PRDM6: variants seen among roughly 807,000 people sequenced by gnomAD.
The protein encoded by PRDM6 is PR/SET domain 6.
A neutral mutation model predicts 60.8 loss-of-function variants in PRDM6; 25 were observed. The ratio of observed to expected loss-of-function variants is 0.41; its 90% confidence interval spans 0.30 to 0.57. The LOEUF (loss-of-function observed/expected upper bound fraction) is 0.57, where lower values mean the gene tolerates loss of function less well. Among genes scored for constraint, PRDM6 ranks in the 20% least tolerant of loss-of-function variants. The pLI is 0.27. For synonymous variants in PRDM6, 407 were observed against 357.4 expected, an observed-to-expected ratio of 1.14 and a Z score of -1.57; for missense variants, 839 against 821.3, an observed-to-expected ratio of 1.02 and a Z score of -0.26.
chr5:123,193,460 A>T lies in PRDM6; in HGVS notation c.*6259A>T, dbSNP rs1243188087. 1 of 152,206 alleles carries T rather than the reference A, an allele frequency of 6.6e-6. No homozygotes were observed. Among genetic ancestry groups the T allele is most frequent in the East Asian group, 1.9e-4 (1 of 5,200 alleles). The allele number at this position is 152,206 out of a possible 1,614,324, so 9.4% of individuals were successfully genotyped here. On this transcript the variant is annotated 3_prime_UTR_variant, in exon 8 of 8. Coordinates refer to ENST00000407847, the MANE Select transcript of PRDM6 (RefSeq NM_001136239.4). ...TGTGGGCATTGTCTAATGTTAACAA[A>T]ATCAGCACTTGTAGACTTACTTTCT...
At chr5:123,095,795 G>C (rs530055952) in intron 2 of PRDM6, among the ~76,000 whole-genome samples, 1 of 152,276 alleles carries the variant, frequency 6.6e-6, no homozygotes, top group Non-Finnish European at 1.5e-5. Flanking sequence ...CACTCCCCAC[G>C]CGCCTACACA....
chr5:123,174,504 C>T (rs1042073873), intron 6 of PRDM6, among the ~76,000 whole-genome samples: 2 of 152,206 alleles, frequency 1.3e-5, no homozygotes, highest in African/African-American at 2.4e-5. Flanking sequence ...GAGTTTCAAA[C>T]AAGTCCAAAT....
At chr5:123,160,415 G>A (rs149615726) in intron 5 of PRDM6, among the ~76,000 whole-genome samples, 19 of 152,338 alleles carry the variant, frequency 1.2e-4, no homozygotes, top group African/African-American at 4.6e-4. Flanking sequence ...ACTGGTTTCA[G>A]TGATATTGTG....
intron 3 of PRDM6, among the ~76,000 whole-genome samples, chr5:123,121,821 A>G (rs1352969435): frequency 6.6e-6 from 1 of 151,502 alleles, no homozygotes; most frequent in African/African-American, 2.4e-5. Context: ...CATCTCTTTT[A>G]ATATGTAACA....
At chr5:123,155,266 T>C (rs1765467249) in intron 3 of PRDM6, among the ~76,000 whole-genome samples, 1 of 145,802 alleles carries the variant, frequency 6.9e-6, no homozygotes. Flanking sequence ...GTCTCTCTTT[T>C]TTTTTTTTTT....
At chr5:123,124,940 A>G (rs990428905) in intron 3 of PRDM6, among the ~76,000 whole-genome samples, 1 of 152,132 alleles carries the variant, frequency 6.6e-6, no homozygotes, top group Non-Finnish European at 1.5e-5. Context: ...AAGGTCCATG[A>G]TATTGCATCC....
chr5:123,161,525 C>A (rs1765630849), intron 5 of PRDM6, among the ~76,000 whole-genome samples: 1 of 152,076 alleles, frequency 6.6e-6, no homozygotes, highest in Non-Finnish European at 1.5e-5. Context: ...GGCCTTTGGG[C>A]AAAGACTTAA....
intron 3 of PRDM6, among the ~76,000 whole-genome samples, chr5:123,129,894 GTTTA>G (rs1389599125): frequency 6.6e-6 from 1 of 152,132 alleles, no homozygotes; most frequent in Non-Finnish European, 1.5e-5. Flanking sequence ...AGCAATTCCT[GTTTA>G]TAAAAATAGC....
At chr5:123,116,753 G>C (rs1027154361) in intron 3 of PRDM6, among the ~76,000 whole-genome samples, 15 of 152,160 alleles carry the variant, frequency 9.9e-5, no homozygotes, top group African/African-American at 3.6e-4. Context: ...AGTTGTGATG[G>C]AAGTGAAAAA....
intron 7 of PRDM6, among the ~76,000 whole-genome samples, chr5:123,181,989 A>G (rs755895784): frequency 1.3e-5 from 2 of 152,250 alleles, no homozygotes; most frequent in Non-Finnish European, 2.9e-5. Flanking sequence ...TAATCAAAAT[A>G]GTGATAATTT....
chr5:123,095,176 C>T (rs566565118), intron 2 of PRDM6, among the ~76,000 whole-genome samples: 60 of 152,332 alleles, frequency 3.9e-4, no homozygotes, highest in African/African-American at 1.4e-3. Context: ...AAGACCCCTG[C>T]CGGGTAGAGG....
At chr5:123,148,223 T>C (rs1444042593) in intron 3 of PRDM6, among the ~76,000 whole-genome samples, 1 of 152,224 alleles carries the variant, frequency 6.6e-6, no homozygotes, top group East Asian at 1.9e-4. Flanking sequence ...GAATGTGAAT[T>C]GACAAAGTAC....
intron 3 of PRDM6, among the ~76,000 whole-genome samples, chr5:123,121,115 G>C (rs1764570414): frequency 6.6e-6 from 1 of 151,910 alleles, no homozygotes; most frequent in South Asian, 2.1e-4. Flanking sequence ...AAAAGAGCAG[G>C]GTCCTGAAAA....
At chr5:123,146,003 G>C (rs1765229718) in intron 3 of PRDM6, among the ~76,000 whole-genome samples, 1 of 152,198 alleles carries the variant, frequency 6.6e-6, no homozygotes, top group Admixed American at 6.5e-5. Context: ...CTAGGGCATA[G>C]TGTGTGTCTG....
chr5:123,161,579 T>C (rs1057215227), intron 5 of PRDM6, among the ~76,000 whole-genome samples: 1 of 152,168 alleles, frequency 6.6e-6, no homozygotes, highest in African/African-American at 2.4e-5. Flanking sequence ...AGAAGAGCAT[T>C]CCTGGCAGCC....
intron 3 of PRDM6, among the ~76,000 whole-genome samples, chr5:123,144,013 TA>T (rs1237916026): frequency 6.6e-6 from 1 of 152,214 alleles, no homozygotes; most frequent in Non-Finnish European, 1.5e-5. Flanking sequence ...ATTGTATGCA[TA>T]ACCTCATCTG....
In PRDM6 at chr5:123,090,024, C is replaced by T; in HGVS notation, c.10C>T (p.Pro4Ser). ...GTTCGAGGCGCCGGACATGCTGAAGCCCGGAGACCCCGGCGGTTCGGCCTT... is the reference window on the plus strand; with the variant it reads ...GTTCGAGGCGCCGGACATGCTGAAGTCCGGAGACCCCGGCGGTTCGGCCTT... Reference protein sequence around the residue: MLKPGDPGGSAFLK... With the variant: MLKSGDPGGSAFLK... Residue 4 changes from proline (P) to serine (S), a missense_variant, in exon 2 of 8, where the codon CCC becomes TCC. Pro to Ser is a moderately conservative substitution (Grantham distance 74, BLOSUM62 -1). Coordinates refer to ENST00000407847, the MANE Select transcript of PRDM6 (RefSeq NM_001136239.4). 1 of 1,547,700 alleles carries T rather than the reference C, an allele frequency of 6.5e-7. No homozygotes were observed.
At chr5:123,110,273 CTTTT>C (rs34213134) in intron 3 of PRDM6, among the ~76,000 whole-genome samples, 4 of 106,176 alleles carry the variant, frequency 3.8e-5, no homozygotes, top group Admixed American at 2.8e-4. Context: ...TAATCATTTC[CTTTT>C]TTTTTTTTTT....
At chr5:123,110,972 C>G (rs1764299969) in intron 3 of PRDM6, among the ~76,000 whole-genome samples, 1 of 152,104 alleles carries the variant, frequency 6.6e-6, no homozygotes. Flanking sequence ...ACAGTAATAT[C>G]TGTGCCCCAT....
Sources: allele counts gnomAD v4.1 joint callset (sites outside exome capture counted in the v4.1 genomes callset), GRCh38; gene constraint gnomAD v4.1.1; transcripts MANE v1.5; gene names NCBI Gene and HGNC (gene_info 2026-07-23, HGNC 2026-07-21).